The following GPC5 variants were observed in gnomAD, a reference collection of about 807,000 sequenced individuals.
GPC5 encodes glypican 5.
A neutral mutation model predicts 53.9 loss-of-function variants in GPC5; 47 were observed. That is an observed-to-expected ratio of 0.87 (90% CI 0.69 to 1.11). The LOEUF is 1.11. GPC5 is among the 50% of genes most tolerant of loss of function. GPC5 has a pLI of 0.00. For missense variants in GPC5, 748 were observed against 713.1 expected, an observed-to-expected ratio of 1.05 and a Z score of -0.56; for synonymous variants, 286 against 263.3, an observed-to-expected ratio of 1.09 and a Z score of -0.84.
intron 2 of GPC5, among the ~76,000 whole-genome samples, chr13:91,567,395 G>T (rs1052694420): frequency 6.6e-6 from 1 of 152,042 alleles, no homozygotes; most frequent in Non-Finnish European, 1.5e-5. Context: ...AATTGAAAAT[G>T]GTGTTTTTAA....
rs1199153943 is a variant in GPC5, at chr13:91,693,697, G to A, written c.836G>A (p.Arg279Gln). Residue 279 changes from arginine (R) to glutamine (Q), a missense_variant, in exon 3 of 8, where the codon CGA becomes CAA. Coordinates refer to ENST00000377067, the MANE Select transcript of GPC5 (RefSeq NM_004466.6). ...ATGGGATACTGCCTCAATGTCATGCGAGGCTGCCTGGCGCACATGGCGGAG... is the reference window on the plus strand; with the variant it reads ...ATGGGATACTGCCTCAATGTCATGCAAGGCTGCCTGGCGCACATGGCGGAG... Reference protein sequence around the residue: ...PCMGYCLNVMRGCLAHMAELN... With the variant: ...PCMGYCLNVMQGCLAHMAELN... 2.5e-6 allele frequency: 4 copies of A among 1,614,166 alleles called. No homozygotes were observed. Among genetic ancestry groups the A allele is most frequent in the South Asian group, 1.1e-5 (1 of 91,088 alleles).
At position 91,460,276 on chromosome 13, in the gene GPC5, T is replaced by A. The variant is rs954546299; in HGVS notation, c.325+11354T>A. On this transcript the variant is annotated intron_variant, in intron 2 of 7. Transcript: ENST00000377067. ...AACAATATTAATAGTTATCAATCATTTAAATAATATCTCTTTGTTGTCTTT... is the reference window on the plus strand; with the variant it reads ...AACAATATTAATAGTTATCAATCATATAAATAATATCTCTTTGTTGTCTTT... 7.2e-5 allele frequency among the ~76,000 whole-genome samples: 11 copies of A among 152,036 alleles called. No homozygotes were observed. In the South Asian group the frequency reaches 2.3e-3, roughly 32 times the overall value.
chr13:92,058,336 T>A (rs1160433438), intron 6 of GPC5, among the ~76,000 whole-genome samples: 2 of 152,172 alleles, frequency 1.3e-5, no homozygotes, highest in African/African-American at 2.4e-5. Context: ...CAGAATTTTT[T>A]AAAATCAATA....
intron 6 of GPC5, among the ~76,000 whole-genome samples, chr13:91,965,995 A>G (rs1276300221): frequency 1.3e-5 from 2 of 152,152 alleles, no homozygotes; most frequent in Non-Finnish European, 2.9e-5. Flanking sequence ...TTGGCACATG[A>G]TAGAATTGGA....
intron 6 of GPC5, among the ~76,000 whole-genome samples, chr13:92,056,422 T>A (rs1594746444): frequency 6.6e-6 from 1 of 152,308 alleles, no homozygotes; most frequent in East Asian, 1.9e-4. Context: ...CCATGTGAGG[T>A]AACATACTCA....
At chr13:92,166,701 A>G (rs1366488310) in intron 7 of GPC5, among the ~76,000 whole-genome samples, 1 of 151,970 alleles carries the variant, frequency 6.6e-6, no homozygotes, top group Admixed American at 6.6e-5. Flanking sequence ...AGAATAGAAT[A>G]CCCTTGATGA....
At chr13:92,161,974 T>TATAC (rs2041992061) in intron 7 of GPC5, among the ~76,000 whole-genome samples, 1 of 131,318 alleles carries the variant, frequency 7.6e-6, no homozygotes, top group Non-Finnish European at 1.6e-5. Flanking sequence ...TATATATATA[T>TATAC]ATATATATAT....
chr13:92,472,935 T>C (rs1486820615), intron 7 of GPC5, among the ~76,000 whole-genome samples: 2 of 152,160 alleles, frequency 1.3e-5, no homozygotes, highest in Non-Finnish European at 2.9e-5. Flanking sequence ...GAATAGTACC[T>C]TATTTATGAT....
At chr13:91,617,981 CCTT>C (rs1175264839) in intron 2 of GPC5, among the ~76,000 whole-genome samples, 4 of 152,034 alleles carry the variant, frequency 2.6e-5, no homozygotes, top group South Asian at 4.1e-4. Context: ...ATATTCTCCT[CCTT>C]CTTCTATTTT....
Position 92,866,806 on chromosome 13 carries a change from G to T in GPC5, c.*367G>T, listed in dbSNP as rs940810115. 1.3e-5 allele frequency: 2 copies of T among 157,376 alleles called. No individual in the cohort carries two copies. Among genetic ancestry groups the T allele is most frequent in the African/African-American group, 4.8e-5 (2 of 41,628 alleles). 9.7% of individuals were successfully genotyped at this position (157,376 alleles called of 1,614,324 possible). A position where few individuals can be genotyped will look rare whatever the true frequency, so the allele number is the denominator to read the frequency against. On this transcript the variant is annotated 3_prime_UTR_variant, in exon 8 of 8. Transcript: ENST00000377067. ...ATTAAAAATGTTTTCATTTGAAAGT[G>T]TATTTGCCAGACAATGAAAACAGTA...
At chr13:92,585,398 G>A (rs1566305681) in intron 7 of GPC5, among the ~76,000 whole-genome samples, 1 of 152,150 alleles carries the variant, frequency 6.6e-6, no homozygotes, top group Non-Finnish European at 1.5e-5. Context: ...ACTTGCGTGG[G>A]GCCTGTAGCC....
intron 5 of GPC5, among the ~76,000 whole-genome samples, chr13:91,898,486 G>T (rs919687090): frequency 1.3e-5 from 2 of 151,974 alleles, no homozygotes; most frequent in African/African-American, 2.4e-5. Context: ...CTGTCATTTT[G>T]CCCTTGTTTT....
intron 3 of GPC5, among the ~76,000 whole-genome samples, chr13:91,723,276 C>A (rs964090877): frequency 5.3e-5 from 8 of 151,838 alleles, no homozygotes; most frequent in Non-Finnish European, 8.8e-5. Context: ...TCTCTTTCTC[C>A]TGCATCTGAA....
At chr13:92,419,787 G>C (rs973653043) in intron 7 of GPC5, among the ~76,000 whole-genome samples, 5 of 152,062 alleles carry the variant, frequency 3.3e-5, no homozygotes, top group African/African-American at 1.2e-4. Flanking sequence ...GAAAAACTGA[G>C]GGATCCCACT....
chr13:91,643,850 G>A (rs1000160691), intron 2 of GPC5, among the ~76,000 whole-genome samples: 2 of 152,056 alleles, frequency 1.3e-5, no homozygotes, highest in African/African-American at 4.8e-5. Context: ...ACACTCATAT[G>A]ATCTCATCCT....
At chr13:91,868,958 A>G (rs1316842190) in intron 5 of GPC5, among the ~76,000 whole-genome samples, 1 of 152,158 alleles carries the variant, frequency 6.6e-6, no homozygotes, top group African/African-American at 2.4e-5. Flanking sequence ...TTTTTGAAAA[A>G]GGAGGAAAGA....
chr13:91,591,296 GA>G (rs750796792), intron 2 of GPC5, among the ~76,000 whole-genome samples: 1 of 152,182 alleles, frequency 6.6e-6, no homozygotes, highest in Non-Finnish European at 1.5e-5. Context: ...CAATTCTGCT[GA>G]GAGGTCTGCT....
At chr13:92,482,268 C>A (rs1879387032) in intron 7 of GPC5, among the ~76,000 whole-genome samples, 1 of 152,214 alleles carries the variant, frequency 6.6e-6, no homozygotes, top group South Asian at 2.1e-4. Context: ...ATGTCCACAA[C>A]CACCATTCTG....
At position 92,170,420 on chromosome 13, in the gene GPC5, C is replaced by CTTTTTTTTTTTTTTTT. The variant is rs61418155; in HGVS notation, c.1561+25439_1561+25454dup. ...TTTTTCTTTTTTTGTCTTTTCTTTG[C>CTTTTTTTTTTTTTTTT]TTTTTTTTTTTTTTTTTTTTTTTGA... On this transcript the variant is annotated intron_variant, in intron 7 of 7. Coordinates refer to ENST00000377067, the MANE Select transcript of GPC5 (RefSeq NM_004466.6). Among the ~76,000 whole-genome samples, 8 of 75,260 alleles carry CTTTTTTTTTTTTTTTT rather than the reference C, an allele frequency of 1.1e-4. 1 individual carries two copies. Among genetic ancestry groups the CTTTTTTTTTTTTTTTT allele is most frequent in the African/African-American group, 2.6e-4 (5 of 19,280 alleles). The allele number at this position is 75,260 out of a possible 152,430, so 49.4% of individuals were successfully genotyped here.
Sources: gnomAD v4.1 joint callset for allele counts (sites outside exome capture counted in the v4.1 genomes callset) on GRCh38, gnomAD v4.1.1 for gene constraint, MANE v1.5 for transcripts, NCBI Gene and HGNC (gene_info 2026-07-23, HGNC 2026-07-21) for gene names.